PIK3CG: variants seen among roughly 807,000 people sequenced by gnomAD.
The protein encoded by PIK3CG is phosphatidylinositol 4,5-bisphosphate 3-kinase catalytic subunit gamma isoform.
PIK3CG carries 55 observed loss-of-function variants against 102.3 expected under a neutral mutation model. That is an observed-to-expected ratio of 0.54 (90% CI 0.43 to 0.67). PIK3CG has a LOEUF of 0.67. PIK3CG is among the 30% of genes least tolerant of loss of function. The probability of loss-of-function intolerance (pLI) is 0.00; values close to 1 mark genes in which losing one functional copy is unlikely to be tolerated. For synonymous variants in PIK3CG, 552 were observed against 540.0 expected, an observed-to-expected ratio of 1.02 and a Z score of -0.31; for missense variants, 1,258 against 1,391.8, an observed-to-expected ratio of 0.90 and a Z score of 1.53.
chr7:106,868,205 T>C lies in PIK3CG; in HGVS notation c.644T>C (p.Ile215Thr), dbSNP rs771142900. The C allele has an allele frequency of 6.2e-7, 1 of 1,612,354 alleles. No homozygotes were observed. Among genetic ancestry groups the C allele is most frequent in the Non-Finnish European group, 8.5e-7 (1 of 1,180,008 alleles). The change falls in exon 2 of 11, where the codon ATT (isoleucine) becomes ACT (threonine). Residue 215 changes from isoleucine (I) to threonine (T), a missense_variant. Physicochemically the swap from Ile to Thr is moderately conservative, Grantham distance 89. This residue lies in a region of PIK3CG where 832 missense variants were observed against 787.5 expected (regional missense o/e 1.06). Transcript: ENST00000496166. The surrounding 1 kb of genome is among the most constrained non-coding windows in gnomAD (Gnocchi z 6.2). ...CTCCCGGAGTACCTGTGGAAGAAGA[T>C]TGCCAACAACTGCATCTTCATCGTC... ...KPLPEYLWKK[I>T]ANNCIFIVIH...
In PIK3CG at chr7:106,908,811, G is replaced by A. The variant is rs1471929896; in HGVS notation, c.*3424G>A. 2.0e-5 allele frequency among the ~76,000 whole-genome samples: 3 copies of A among 152,114 alleles called. No homozygotes were observed. Among genetic ancestry groups the A allele is most frequent in the Non-Finnish European group, 4.4e-5 (3 of 68,022 alleles). Reference sequence around the variant, plus strand: ...AAGTTTCCAGAGCAAATCTGACCTAGCATTTGGTATGCTAGGCTCTGCTTT... The same window carrying A: ...AAGTTTCCAGAGCAAATCTGACCTAACATTTGGTATGCTAGGCTCTGCTTT... On this transcript the variant is annotated 3_prime_UTR_variant, in exon 11 of 11. Transcript: ENST00000496166. This position sits in a 1 kb window ranked among gnomAD's most constrained non-coding sequence, Gnocchi z 4.1.
rs1278881835 is a variant in PIK3CG, at chr7:106,899,383, G to A, written c.3031-5726G>A. Among the ~76,000 whole-genome samples, 1 of 152,186 alleles carries A rather than the reference G, an allele frequency of 6.6e-6. No homozygotes were observed. The highest frequency in any genetic ancestry group is 1.5e-5 in the Non-Finnish European group (1 of 68,032). On this transcript the variant is annotated intron_variant, in intron 10 of 10. Coordinates refer to ENST00000496166, the MANE Select transcript of PIK3CG (RefSeq NM_001282426.2). The surrounding 1 kb of genome is among the most constrained non-coding windows in gnomAD (Gnocchi z 4.6). The stretch of plus-strand genomic sequence containing the variant: ...TCCTCTTGCCTGATTGCTCTGGCCA[G>A]GACTTCCAATACTATGTTGAATAGA...
At chr7:106,901,648 C>G (rs1791557878) in intron 10 of PIK3CG, among the ~76,000 whole-genome samples, 1 of 152,186 alleles carries the variant, frequency 6.6e-6, no homozygotes, top group African/African-American at 2.4e-5. Flanking sequence ...CCATTTGAGT[C>G]ACGAGAGTTC....
rs1278105473 is a variant in PIK3CG at position 106,868,911 on chromosome 7, C to G, written c.1350C>G (p.Pro450=). 10 of 1,614,194 alleles carry G rather than the reference C, an allele frequency of 6.2e-6. 1 individual carries two copies. The highest frequency in any genetic ancestry group is 7.6e-6 in the Non-Finnish European group (9 of 1,180,030). The change falls in exon 2 of 11, where the codon CCC becomes CCG. Residue 450 remains proline, a synonymous_variant. Coordinates refer to ENST00000496166, the MANE Select transcript of PIK3CG (RefSeq NM_001282426.2). The surrounding 1 kb of genome is among the most constrained non-coding windows in gnomAD (Gnocchi z 6.2). ...CCAGCAAGGCCTCTGCAGAGTCCCCCAGTTCTGAGTCCAAGGGCAAAGTTC... is the reference window on the plus strand; with the variant it reads ...CCAGCAAGGCCTCTGCAGAGTCCCCGAGTTCTGAGTCCAAGGGCAAAGTTC... ...ALSSKASAES[P]SSESKGKVQL...
rs183211739 is a variant in PIK3CG, at chr7:106,891,764, A to C, written c.3030+5472A>C. Reference sequence around the variant, plus strand: ...CTTAAGAAGCATTTTATAGGAGAAAAGTCTGGAGCCCATTCGTTGTGTTAT... The same window carrying C: ...CTTAAGAAGCATTTTATAGGAGAAACGTCTGGAGCCCATTCGTTGTGTTAT... On this transcript the variant is annotated intron_variant, in intron 10 of 10. Transcript: ENST00000496166. The surrounding 1 kb of genome is among the most constrained non-coding windows in gnomAD (Gnocchi z 4.4). Among the ~76,000 whole-genome samples, 39 of 151,980 alleles carry C rather than the reference A, an allele frequency of 2.6e-4. No homozygotes were observed. The highest frequency in any genetic ancestry group is 8.9e-4 in the African/African-American group (37 of 41,464).
rs565930791 is a variant in PIK3CG, at chr7:106,905,643, G to C, written c.*256G>C. 2.8e-5 allele frequency: 13 copies of C among 467,608 alleles called. 1 individual carries two copies. In the Admixed American group the frequency reaches 3.8e-4, roughly 14 times the overall value. The allele number at this position is 467,608 out of a possible 1,614,324, so 29.0% of individuals were successfully genotyped here. ...GTCTGTGGCATTGGAGAATATTCTC[G>C]GTTTAAACAGACTAATGACTTCCTT... On this transcript the variant is annotated 3_prime_UTR_variant, in exon 11 of 11. Coordinates refer to ENST00000496166, the MANE Select transcript of PIK3CG (RefSeq NM_001282426.2). The surrounding 1 kb of genome is among the most constrained non-coding windows in gnomAD (Gnocchi z 5.6).
chr7:106,867,460 C>T lies in PIK3CG; in HGVS notation c.-12-90C>T, dbSNP rs982325663. ...TCTGGGTCCCTGTGCACATGTACGC[C>T]GCCTATACCTCCTCTTCCCTCATCT... On this transcript the variant is annotated intron_variant, in intron 1 of 10. Coordinates refer to ENST00000496166, the MANE Select transcript of PIK3CG (RefSeq NM_001282426.2). This position sits in a 1 kb window ranked among gnomAD's most constrained non-coding sequence, Gnocchi z 5.1. The T allele has an allele frequency of 2.5e-6, 3 of 1,194,904 alleles. No individual in the cohort carries two copies. The highest frequency in any genetic ancestry group is 3.5e-6 in the Non-Finnish European group (3 of 845,438). 74.0% of individuals were successfully genotyped at this position (1,194,904 alleles called of 1,614,324 possible).
Position 106,886,199 on chromosome 7 carries a change from TAAAG to T in PIK3CG, c.2939_2942del (p.Lys980ArgfsTer7). 1 of 1,614,062 alleles carries T rather than the reference TAAAG, an allele frequency of 6.2e-7. No homozygotes were observed. The highest frequency in any genetic ancestry group is 8.5e-7 in the Non-Finnish European group (1 of 1,179,906). ...ATTACAAAAGTTTCCTGGGCATTAATAAAGAGAGAGTGCCATTTGTGCTAACCCC... is the reference window on the plus strand; with the variant it reads ...ATTACAAAAGTTTCCTGGGCATTAATAGAGAGTGCCATTTGTGCTAACCCC... On this transcript the variant is annotated frameshift_variant, in exon 10 of 11. Transcript: ENST00000496166. LOFTEE classifies it high-confidence loss of function.
In PIK3CG at chr7:106,891,488, G is replaced by A. The variant is rs993652835; in HGVS notation, c.3030+5196G>A. On this transcript the variant is annotated intron_variant, in intron 10 of 10. Coordinates refer to ENST00000496166, the MANE Select transcript of PIK3CG (RefSeq NM_001282426.2). The surrounding 1 kb of genome is among the most constrained non-coding windows in gnomAD (Gnocchi z 4.4). ...TACATATTTCTTTCCAGTCAGAGCT[G>A]TACCTTTTGCCAAGAGAACAGGGCA... Among the ~76,000 whole-genome samples, 3 of 152,164 alleles carry A rather than the reference G, an allele frequency of 2.0e-5. No individual in the cohort carries two copies. Among genetic ancestry groups the A allele is most frequent in the Admixed American group, 1.3e-4 (2 of 15,276 alleles).
In PIK3CG at chr7:106,877,353, G is replaced by A. The variant is rs997245865; in HGVS notation, c.2392-2166G>A. Among the ~76,000 whole-genome samples the A allele has an allele frequency of 2.0e-5, 3 of 152,200 alleles. No individual in the cohort carries two copies. Among genetic ancestry groups the A allele is most frequent in the Non-Finnish European group, 4.4e-5 (3 of 68,040 alleles). Reference sequence around the variant, plus strand: ...CTAGTGGGTAGAGGCCAGGGATGCTGCCAAATACCCTGCAGGGTACAGGAT... The same window carrying A: ...CTAGTGGGTAGAGGCCAGGGATGCTACCAAATACCCTGCAGGGTACAGGAT... On this transcript the variant is annotated intron_variant, in intron 5 of 10. Transcript: ENST00000496166. This position sits in a 1 kb window ranked among gnomAD's most constrained non-coding sequence, Gnocchi z 4.5.
At chr7:106,886,850 CT>C (rs1425660213) in intron 10 of PIK3CG, among the ~76,000 whole-genome samples, 1 of 152,164 alleles carries the variant, frequency 6.6e-6, no homozygotes, top group Non-Finnish European at 1.5e-5. Flanking sequence ...TCCTGCTTAC[CT>C]GTAAACAAGC....
rs185548488 is a variant in PIK3CG, at chr7:106,905,297, A to C, written c.3219A>C (p.Glu1073Asp). The change falls in exon 11 of 11, where the codon GAA becomes GAC. Residue 1073 changes from glutamate (E) to aspartate (D), a missense_variant. By Grantham distance (45) the Glu-to-Asp change is conservative. Coordinates refer to ENST00000496166, the MANE Select transcript of PIK3CG (RefSeq NM_001282426.2). The surrounding 1 kb of genome is among the most constrained non-coding windows in gnomAD (Gnocchi z 5.6). Reference sequence around the variant, plus strand: ...AAAAGTATTTTCTTGATCAGATCGAAGTTTGCAGAGACAAAGGATGGACTG... The same window carrying C: ...AAAAGTATTTTCTTGATCAGATCGACGTTTGCAGAGACAAAGGATGGACTG... ...DAKKYFLDQI[E>D]VCRDKGWTVQ... 2.5e-6 allele frequency: 4 copies of C among 1,614,140 alleles called. No homozygotes were observed. Among genetic ancestry groups the C allele is most frequent in the Non-Finnish European group, 3.4e-6 (4 of 1,179,996 alleles).
Position 106,907,758 on chromosome 7 carries a change from T to C in PIK3CG, c.*2371T>C, listed in dbSNP as rs1791724753. ...TATATATAACATATATATGCTAATA[T>C]ATATATAACATATATATGCTAATAT... On this transcript the variant is annotated 3_prime_UTR_variant, in exon 11 of 11. Coordinates refer to ENST00000496166, the MANE Select transcript of PIK3CG (RefSeq NM_001282426.2). 6.8e-6 allele frequency among the ~76,000 whole-genome samples: 1 copy of C among 148,102 alleles called. No homozygotes were observed. The highest frequency in any genetic ancestry group is 1.5e-5 in the Non-Finnish European group (1 of 67,256).
In PIK3CG at chr7:106,879,659, T is replaced by C. The variant is rs1562959884; in HGVS notation, c.2532T>C (p.Ile844=). The change falls in exon 6 of 11, where the codon ATT becomes ATC. Residue 844 remains isoleucine (I), a synonymous_variant. Transcript: ENST00000496166. The surrounding 1 kb of genome is among the most constrained non-coding windows in gnomAD (Gnocchi z 4.9). ...HGDDLRQDML[I]LQILRIMESI... ...ATGATCTGCGCCAAGACATGCTTAT[T>C]TTACAGGTATGCTAATTTTAAGATT... 1 of 1,608,536 alleles carries C rather than the reference T, an allele frequency of 6.2e-7. No individual in the cohort carries two copies. The highest frequency in any genetic ancestry group is 2.2e-5 in the East Asian group (1 of 44,836).
At chr7:106,875,804 C>T (rs1790708853) in intron 5 of PIK3CG, among the ~76,000 whole-genome samples, 1 of 151,878 alleles carries the variant, frequency 6.6e-6, no homozygotes, top group Non-Finnish European at 1.5e-5. Flanking sequence ...TTACAAGATA[C>T]CATTTTTCCA....
chr7:106,883,709 A>C lies in PIK3CG; in HGVS notation c.2761-446A>C, dbSNP rs1250267672. Reference sequence around the variant, plus strand: ...CTGCTGCACAGGATTAGCACTTCTCATTTGCATGGTTAGCAGCCTTTTGGG... The same window carrying C: ...CTGCTGCACAGGATTAGCACTTCTCCTTTGCATGGTTAGCAGCCTTTTGGG... On this transcript the variant is annotated intron_variant, in intron 8 of 10. Coordinates refer to ENST00000496166, the MANE Select transcript of PIK3CG (RefSeq NM_001282426.2). The surrounding 1 kb of genome is among the most constrained non-coding windows in gnomAD (Gnocchi z 5.8). 6.6e-6 allele frequency among the ~76,000 whole-genome samples: 1 copy of C among 152,128 alleles called. No individual in the cohort carries two copies.
chr7:106,876,356 C>G (rs1489340812), intron 5 of PIK3CG, among the ~76,000 whole-genome samples: 1 of 150,738 alleles, frequency 6.6e-6, no homozygotes, highest in African/African-American at 2.4e-5. Flanking sequence ...TGAAAATTTT[C>G]TATTCAAATA....
rs765691755 is a variant in PIK3CG, at chr7:106,905,405, A to G, written c.*18A>G. 3.1e-6 allele frequency: 5 copies of G among 1,601,528 alleles called. No homozygotes were observed. The highest frequency in any genetic ancestry group is 4.3e-6 in the Non-Finnish European group (5 of 1,172,212). On this transcript the variant is annotated 3_prime_UTR_variant, in exon 11 of 11. Transcript: ENST00000496166. This position sits in a 1 kb window ranked among gnomAD's most constrained non-coding sequence, Gnocchi z 5.6. ...CAGCCTAATACTTTAGGCTAGAATCAAAAACAAGTTAGTGTTCTATGGTTT... is the reference window on the plus strand; with the variant it reads ...CAGCCTAATACTTTAGGCTAGAATCGAAAACAAGTTAGTGTTCTATGGTTT...
At position 106,882,208 on chromosome 7, in the gene PIK3CG, G is replaced by A. The variant is rs760965124; in HGVS notation, c.2629+1G>A. ...TGCATTTCAACTGGTGACAAAATAG[G>A]TATGTAGTTACCTCAGGAGATGAAT... On this transcript the variant is annotated splice_donor_variant, in intron 7 of 10. Coordinates refer to ENST00000496166, the MANE Select transcript of PIK3CG (RefSeq NM_001282426.2). LOFTEE classifies it high-confidence loss of function. The A allele has an allele frequency of 3.3e-6, 5 of 1,528,898 alleles. No homozygotes were observed. Among genetic ancestry groups the A allele is most frequent in the East Asian group, 2.4e-5 (1 of 42,242 alleles). 94.7% of individuals were successfully genotyped at this position (1,528,898 alleles called of 1,614,324 possible). A position where few individuals can be genotyped will look rare whatever the true frequency, so the allele number is the denominator to read the frequency against.
Sources: allele counts gnomAD v4.1 joint callset (sites outside exome capture counted in the v4.1 genomes callset), GRCh38; gene constraint gnomAD v4.1.1; regional missense constraint gnomAD v4.1.1; non-coding constraint Gnocchi (gnomAD v3.1); transcripts MANE v1.5; gene names NCBI Gene and HGNC (gene_info 2026-07-23, HGNC 2026-07-21).